The following BRPF3 variants were observed in gnomAD, a reference collection of about 807,000 sequenced individuals.
BRPF3 encodes bromodomain and PHD finger-containing protein 3.
In BRPF3, 18 loss-of-function variants were observed where a neutral mutation model predicts 102.0. The ratio of observed to expected loss-of-function variants is 0.18; its 90% CI spans 0.12 to 0.26. The LOEUF (loss-of-function observed/expected upper bound fraction) is 0.26, where lower values mean the gene tolerates loss of function less well. Ranked by LOEUF, BRPF3 falls within the 10% of genes least tolerant of loss-of-function variation. The pLI, the probability that BRPF3 is intolerant of heterozygous loss-of-function variation, is 1.00. For synonymous variants in BRPF3, 570 were observed against 614.2 expected (o/e 0.93, Z 1.06); for missense variants, 1,147 against 1,567.8 (o/e 0.73, Z 4.53).
At chr6:36,224,419 CA>C (rs1768662518) in intron 10 of BRPF3, among the ~76,000 whole-genome samples, 1 of 152,102 alleles carries the variant, frequency 6.6e-6, no homozygotes, top group South Asian at 2.1e-4. Flanking sequence ...GAGTGCAGAG[CA>C]AAGTAAGATG....
At chr6:36,209,318 CTG>C (rs1472784114) in intron 4 of BRPF3, among the ~76,000 whole-genome samples, 12 of 152,210 alleles carry the variant, frequency 7.9e-5, no homozygotes, top group African/African-American at 2.9e-4. Flanking sequence ...TGTAGAATCA[CTG>C]GGACTGAATC....
In BRPF3 at chr6:36,200,236, G is replaced by T. The variant is rs1767644052; in HGVS notation, c.-26-61G>T. 1.6e-5 allele frequency: 24 copies of T among 1,468,762 alleles called. No homozygotes were observed. The highest frequency in any genetic ancestry group is 2.2e-5 in the Non-Finnish European group (24 of 1,112,920). The allele number at this position is 1,468,762 out of a possible 1,614,324, so 91.0% of individuals were successfully genotyped here. A position where few individuals can be genotyped will look rare whatever the true frequency, so the allele number is the denominator to read the frequency against. On this transcript the variant is annotated intron_variant, in intron 1 of 12. Transcript: ENST00000357641. The surrounding 1 kb of genome is among the most constrained non-coding windows in gnomAD (Gnocchi z 5.3). ...CCTCTTGGTGGATGCTTGATCATAT[G>T]GGAGGATGAATGGGTGCATAAGGGC...
chr6:36,201,908 G>C lies in BRPF3; in HGVS notation c.1448+138G>C. 3.1e-6 allele frequency: 4 copies of C among 1,293,622 alleles called. No homozygotes were observed. Among genetic ancestry groups the C allele is most frequent in the Non-Finnish European group, 4.2e-6 (4 of 959,334 alleles). 80.1% of individuals were successfully genotyped at this position (1,293,622 alleles called of 1,614,324 possible). A position where few individuals can be genotyped will look rare whatever the true frequency, so the allele number is the denominator to read the frequency against. ...ATTTAAACTCTTCCTTTTGACCCCAGGCTCACCTGGCCTGGTTTGTGGTTT... is the reference window on the plus strand; with the variant it reads ...ATTTAAACTCTTCCTTTTGACCCCACGCTCACCTGGCCTGGTTTGTGGTTT... On this transcript the variant is annotated intron_variant, in intron 2 of 12. Coordinates refer to ENST00000357641, the MANE Select transcript of BRPF3 (RefSeq NM_015695.3). This position sits in a 1 kb window ranked among gnomAD's most constrained non-coding sequence, Gnocchi z 5.1.
At chr6:36,228,813 T>G (rs1768832713) in intron 11 of BRPF3, 89 bp from the exon 12 acceptor site, 2 of 1,448,958 alleles carry the variant, frequency 1.4e-6, no homozygotes, top group African/African-American at 1.4e-5. Flanking sequence ...ACTCCCCTGG[T>G]GTGGGTGCTT....
At chr6:36,208,033 G>A (rs749826385) in intron 4 of BRPF3, among the ~76,000 whole-genome samples, 1 of 152,066 alleles carries the variant, frequency 6.6e-6, no homozygotes, top group African/African-American at 2.4e-5. Context: ...TTCTTTAATC[G>A]CTTAATACAT....
intron 8 of BRPF3, among the ~76,000 whole-genome samples, chr6:36,214,886 C>T (rs964691518): frequency 9.2e-5 from 14 of 152,008 alleles, no homozygotes; most frequent in Admixed American, 5.9e-4. Flanking sequence ...AAGGAGGTAA[C>T]GTTTGAGTAA....
chr6:36,198,106 G>A (rs1189496306), intron 1 of BRPF3, among the ~76,000 whole-genome samples: 1 of 152,202 alleles, frequency 6.6e-6, no homozygotes, highest in African/African-American at 2.4e-5. Flanking sequence ...AAGGAATCCA[G>A]TAGCCAAGGG....
At chr6:36,221,940 C>T (rs1254475892) in intron 9 of BRPF3, among the ~76,000 whole-genome samples, 1 of 152,128 alleles carries the variant, frequency 6.6e-6, no homozygotes, top group Non-Finnish European at 1.5e-5. Context: ...CAACTCCTTC[C>T]AGGTTCAGTC....
Position 36,210,052 on chromosome 6 carries a change from C to G in BRPF3, c.1866+137C>G, listed in dbSNP as rs867112192. On this transcript the variant is annotated intron_variant, in intron 5 of 12. Coordinates refer to ENST00000357641, the MANE Select transcript of BRPF3 (RefSeq NM_015695.3). This position sits in a 1 kb window ranked among gnomAD's most constrained non-coding sequence, Gnocchi z 4.7. Reference sequence around the variant, plus strand: ...GGGTCTGGCAAAGCTAGTAGACTTGCCCTTGATGAGGGGTCAGCAGGCCAG... The same window carrying G: ...GGGTCTGGCAAAGCTAGTAGACTTGGCCTTGATGAGGGGTCAGCAGGCCAG... 3.5e-6 allele frequency: 5 copies of G among 1,427,652 alleles called. No homozygotes were observed. In the Middle Eastern group the frequency reaches 9.8e-4, roughly 278 times the overall value. 88.4% of individuals were successfully genotyped at this position (1,427,652 alleles called of 1,614,324 possible).
chr6:36,217,428 C>G (rs1005774173), intron 8 of BRPF3, among the ~76,000 whole-genome samples: 1 of 152,146 alleles, frequency 6.6e-6, no homozygotes, highest in East Asian at 1.9e-4. Flanking sequence ...CTCTTGACAC[C>G]ACCCCCAAAG....
chr6:36,214,267 C>T lies in BRPF3; in HGVS notation c.2870C>T (p.Ala957Val). The change falls in exon 8 of 13, where the codon GCA becomes GTA. Residue 957 changes from alanine (A) to valine (V), a missense_variant. By Grantham distance (64) the Ala-to-Val change is moderately conservative (BLOSUM62 0). Transcript: ENST00000357641. ...GAGAATGGCGAGGACCATGGTGTGG[C>T]AGGCTCTCCTGCCTCTCCAGCCAGC... ...VLENGEDHGV[A>V]GSPASPASIE... is the part of the protein sequence containing the mutation. 6.2e-7 allele frequency: 1 copy of T among 1,613,680 alleles called. No homozygotes were observed. The highest frequency in any genetic ancestry group is 8.5e-7 in the Non-Finnish European group (1 of 1,179,992).
intron 11 of BRPF3, among the ~76,000 whole-genome samples, chr6:36,226,200 T>C (rs1316165853): frequency 1.3e-5 from 2 of 152,232 alleles, no homozygotes; most frequent in Non-Finnish European, 2.9e-5. Flanking sequence ...AGTGAATTCT[T>C]AGGAGTCCCT....
intron 2 of BRPF3, among the ~76,000 whole-genome samples, chr6:36,203,389 T>G (rs1215401905): frequency 6.6e-6 from 1 of 152,222 alleles, no homozygotes; most frequent in African/African-American, 2.4e-5. Flanking sequence ...AAATGGTGAC[T>G]ACTGCTGCTG....
chr6:36,216,074 A>C (rs1768318146), intron 8 of BRPF3, among the ~76,000 whole-genome samples: 1 of 152,126 alleles, frequency 6.6e-6, no homozygotes, highest in Admixed American at 6.5e-5. Flanking sequence ...TAAGGCCTGG[A>C]TTTAGGCATA....
At chr6:36,220,996 T>C (rs750166654) in intron 9 of BRPF3, among the ~76,000 whole-genome samples, 15 of 152,212 alleles carry the variant, frequency 9.9e-5, no homozygotes, top group Non-Finnish European at 1.9e-4. Flanking sequence ...TGATGACCTA[T>C]TCTTTAAGCA....
chr6:36,209,580 T>C (rs1269550326), intron 4 of BRPF3, among the ~76,000 whole-genome samples: 1 of 152,220 alleles, frequency 6.6e-6, no homozygotes, highest in African/African-American at 2.4e-5. Flanking sequence ...TGATGTTTGG[T>C]ACATAGGAAA....
Position 36,201,360 on chromosome 6 carries a change from A to G in BRPF3, c.1038A>G (p.Thr346=), listed in dbSNP as rs745313870. The G allele has an allele frequency of 1.9e-6, 3 of 1,614,068 alleles. No individual in the cohort carries two copies. In the African/African-American group the frequency reaches 4.0e-5, roughly 22 times the overall value. ...AIQCHKVNCY[T]AFHVTCAQRA... ...AGTGCCATAAGGTGAACTGCTACACAGCATTCCATGTGACATGTGCACAGC... is the reference window on the plus strand; with the variant it reads ...AGTGCCATAAGGTGAACTGCTACACGGCATTCCATGTGACATGTGCACAGC... The change falls in exon 2 of 13, where the codon ACA becomes ACG. Residue 346 remains threonine, a synonymous_variant. Coordinates refer to ENST00000357641, the MANE Select transcript of BRPF3 (RefSeq NM_015695.3). This position sits in a 1 kb window ranked among gnomAD's most constrained non-coding sequence, Gnocchi z 5.1.
At chr6:36,218,910 C>A (rs918723977) in intron 9 of BRPF3, among the ~76,000 whole-genome samples, 1 of 152,098 alleles carries the variant, frequency 6.6e-6, no homozygotes, top group African/African-American at 2.4e-5. Flanking sequence ...CTTATGGAGC[C>A]CCTGCTCTGT....
At chr6:36,198,320 A>G (rs1767578501) in intron 1 of BRPF3, among the ~76,000 whole-genome samples, 1 of 152,132 alleles carries the variant, frequency 6.6e-6, no homozygotes, top group African/African-American at 2.4e-5. Flanking sequence ...AGATTGTGTT[A>G]CCCTCATTTT....
Sources: gnomAD v4.1 joint callset for allele counts (sites outside exome capture counted in the v4.1 genomes callset) on GRCh38, gnomAD v4.1.1 for gene constraint, Gnocchi (gnomAD v3.1) non-coding constraint, MANE v1.5 for transcripts, NCBI Gene and HGNC (gene_info 2026-07-23, HGNC 2026-07-21) for gene names.